ABTB2: variants seen among roughly 807,000 people sequenced by gnomAD.
ABTB2 encodes the protein ankyrin repeat and BTB/POZ domain-containing protein 2.
ABTB2 carries 56 observed loss-of-function variants against 104.1 expected under a neutral mutation model. The observed-to-expected ratio is 0.54, with a 90% CI of 0.43 to 0.67. The LOEUF is 0.67. ABTB2 is among the 30% of genes least tolerant of loss of function. The pLI, the probability that ABTB2 is intolerant of heterozygous loss-of-function variation, is 0.00. For synonymous variants in ABTB2, 606 were observed against 608.2 expected, an observed-to-expected ratio of 1.00 and a Z score of 0.05; for missense variants, 1,279 against 1,407.7, an observed-to-expected ratio of 0.91 and a Z score of 1.46.
chr11:34,185,133 C>T (rs1853081005), intron 3 of ABTB2, among the ~76,000 whole-genome samples: 1 of 152,224 alleles, frequency 6.6e-6, no homozygotes. Flanking sequence ...TTCCCCAACT[C>T]TCATAGTATA....
At chr11:34,307,849 C>T (rs796245141) in intron 1 of ABTB2, among the ~76,000 whole-genome samples, 43 of 152,358 alleles carry the variant, frequency 2.8e-4, no homozygotes, top group African/African-American at 1.0e-3. Context: ...CAGGCACGCG[C>T]CACCATGCCC....
intron 1 of ABTB2, among the ~76,000 whole-genome samples, chr11:34,237,846 C>T (rs909036839): frequency 6.6e-5 from 10 of 152,140 alleles, no homozygotes; most frequent in East Asian, 3.9e-4. Context: ...TGCAGTGGGC[C>T]GAGATCGCAC....
intron 1 of ABTB2, among the ~76,000 whole-genome samples, chr11:34,208,183 C>T: frequency 6.6e-6 from 1 of 152,320 alleles, no homozygotes; most frequent in South Asian, 2.1e-4. Context: ...CCTTTCCCCA[C>T]ACAAATTCCC....
Position 34,154,111 on chromosome 11 carries a change from G to T in ABTB2, c.2880+154C>A, listed in dbSNP as rs1366611861. On this transcript the variant is annotated intron_variant, in intron 16 of 16. Coordinates refer to ENST00000435224, the MANE Select transcript of ABTB2 (RefSeq NM_145804.3). The surrounding 1 kb of genome is among the most constrained non-coding windows in gnomAD (Gnocchi z 4.9). ...CAGCAGTGACCCCAGGCAACACAGG[G>T]AGTTGCTAACCCTCCCTCAGCCTCT... 6.6e-6 allele frequency among the ~76,000 whole-genome samples: 1 copy of T among 152,128 alleles called. No homozygotes were observed. The highest frequency in any genetic ancestry group is 1.5e-5 in the Non-Finnish European group (1 of 68,010).
At chr11:34,301,864 G>C (rs2133099400) in intron 1 of ABTB2, among the ~76,000 whole-genome samples, 1 of 152,298 alleles carries the variant, frequency 6.6e-6, no homozygotes, top group Middle Eastern at 3.4e-3. Flanking sequence ...GTGTATGCCT[G>C]TGGTCCTAGC....
At chr11:34,240,216 C>T (rs1028557234) in intron 1 of ABTB2, among the ~76,000 whole-genome samples, 7 of 152,166 alleles carry the variant, frequency 4.6e-5, no homozygotes, top group Non-Finnish European at 7.4e-5. Context: ...CAAGAGAGCT[C>T]GCAAAGAATG....
At chr11:34,255,805 C>A (rs1384868624) in intron 1 of ABTB2, among the ~76,000 whole-genome samples, 1 of 152,190 alleles carries the variant, frequency 6.6e-6, no homozygotes, top group Non-Finnish European at 1.5e-5. Flanking sequence ...GCGTGAGCCA[C>A]CAGGCCCGCC....
At chr11:34,354,209 CTT>C (rs751059056) in intron 1 of ABTB2, among the ~76,000 whole-genome samples, 14 of 152,220 alleles carry the variant, frequency 9.2e-5, no homozygotes, top group Non-Finnish European at 1.9e-4. Context: ...GAGGGAGACA[CTT>C]TGACTCTGAG....
chr11:34,198,163 G>A (rs76922123), intron 2 of ABTB2, among the ~76,000 whole-genome samples: 2,784 of 152,230 alleles, frequency 0.018, 75 homozygotes, highest in African/African-American at 0.063. Context: ...AGTGGCTCAC[G>A]CTGTAATCCC....
chr11:34,355,028 A>T (rs1855449519), intron 1 of ABTB2, among the ~76,000 whole-genome samples: 1 of 152,230 alleles, frequency 6.6e-6, no homozygotes, highest in African/African-American at 2.4e-5. Flanking sequence ...TCATCAACTG[A>T]GATTCAGGAC....
intron 1 of ABTB2, among the ~76,000 whole-genome samples, chr11:34,345,561 C>G (rs1855321126): frequency 6.6e-6 from 1 of 152,072 alleles, no homozygotes; most frequent in Non-Finnish European, 1.5e-5. Flanking sequence ...TTTGTCTCCT[C>G]AAAGACCAGT....
intron 1 of ABTB2, among the ~76,000 whole-genome samples, chr11:34,242,218 T>C (rs1413997509): frequency 6.6e-6 from 1 of 152,136 alleles, no homozygotes; most frequent in African/African-American, 2.4e-5. Flanking sequence ...GTGAAGTGCC[T>C]CTGGGTCACC....
intron 1 of ABTB2, among the ~76,000 whole-genome samples, chr11:34,348,552 G>A (rs1204116180): frequency 1.3e-5 from 2 of 152,156 alleles, no homozygotes; most frequent in African/African-American, 2.4e-5. Flanking sequence ...CTCCGCAGTC[G>A]CAGCTCTACC....
chr11:34,316,644 TGAA>T (rs1564931046), intron 1 of ABTB2, among the ~76,000 whole-genome samples: 3 of 152,298 alleles, frequency 2.0e-5, no homozygotes. Flanking sequence ...CTGGTGCTGC[TGAA>T]GCCCAGCTTT....
chr11:34,284,069 T>C (rs978034433), intron 1 of ABTB2, among the ~76,000 whole-genome samples: 1 of 152,230 alleles, frequency 6.6e-6, no homozygotes, highest in Non-Finnish European at 1.5e-5. Flanking sequence ...AGGAGGTCTA[T>C]GGTGGGGCTT....
At chr11:34,312,002 A>T (rs1854860205) in intron 1 of ABTB2, among the ~76,000 whole-genome samples, 1 of 152,084 alleles carries the variant, frequency 6.6e-6, no homozygotes, top group African/African-American at 2.4e-5. Flanking sequence ...TTTGCAGGTC[A>T]TGGTGGCGCA....
Position 34,315,941 on chromosome 11 carries a change from G to A in ABTB2, c.883+40760C>T, listed in dbSNP as rs753077315. On this transcript the variant is annotated intron_variant, in intron 1 of 16. Coordinates refer to ENST00000435224, the MANE Select transcript of ABTB2 (RefSeq NM_145804.3). Reference sequence around the variant, plus strand: ...TAACTTCTTCAAGGCGAGCTTATGCGGCAATTTCTAACCAGTCATCGTCAA... The same window carrying A: ...TAACTTCTTCAAGGCGAGCTTATGCAGCAATTTCTAACCAGTCATCGTCAA... Among the ~76,000 whole-genome samples the A allele has an allele frequency of 2.6e-5, 4 of 152,100 alleles. No individual in the cohort carries two copies. In the East Asian group the frequency reaches 5.8e-4, roughly 22 times the overall value.
At position 34,356,672 on chromosome 11, in the gene ABTB2, G is replaced by T. The variant is rs748564741; in HGVS notation, c.883+29C>A. 2 of 1,536,170 alleles carry T rather than the reference G, an allele frequency of 1.3e-6. No homozygotes were observed. The highest frequency in any genetic ancestry group is 2.5e-5 in the South Asian group (2 of 81,236). On this transcript the variant is annotated intron_variant, in intron 1 of 16. Coordinates refer to ENST00000435224, the MANE Select transcript of ABTB2 (RefSeq NM_145804.3). This position sits in a 1 kb window ranked among gnomAD's most constrained non-coding sequence, Gnocchi z 4.6. ...CAGGGCGGGATTTCTTGCCTACCCA[G>T]TCTGCCAGTCCGAGGCCCGCGCGCT...
At position 34,264,985 on chromosome 11, in the gene ABTB2, G is replaced by A. The variant is rs1854230665; in HGVS notation, c.884-60295C>T. Among the ~76,000 whole-genome samples the A allele has an allele frequency of 2.0e-5, 3 of 152,356 alleles. No homozygotes were observed. The South Asian group carries it at 6.2e-4, about 32-fold the overall frequency. ...CAGCATGGAGGACAGGGAAAGGGGA[G>A]ATGTGCATTGCAGAACCATTTCTTT... On this transcript the variant is annotated intron_variant, in intron 1 of 16. Transcript: ENST00000435224.
Sources: allele counts gnomAD v4.1 joint callset (sites outside exome capture counted in the v4.1 genomes callset), GRCh38; gene constraint gnomAD v4.1.1; non-coding constraint Gnocchi (gnomAD v3.1); transcripts MANE v1.5; gene names NCBI Gene and HGNC (gene_info 2026-07-23, HGNC 2026-07-21).